Variants in UXS1 observed in about 807,000 individuals in gnomAD.
The protein encoded by UXS1 is UDP-glucuronate decarboxylase 1, also known as UDP-glucuronic acid decarboxylase 1.
In UXS1, 33 loss-of-function variants were observed where a neutral mutation model predicts 62.6. The ratio of observed to expected loss-of-function variants is 0.53; its 90% CI spans 0.40 to 0.70. UXS1 has a LOEUF of 0.70. UXS1 is among the 30% of genes least tolerant of loss of function. The pLI is 0.00. For missense variants in UXS1, 434 were observed against 556.3 expected (o/e 0.78, Z 2.21); for synonymous variants, 213 against 206.8 (o/e 1.03, Z -0.26).
chr2:106,122,576 TAA>T (rs1679608978), intron 9 of UXS1, among the ~76,000 whole-genome samples: 1 of 152,108 alleles, frequency 6.6e-6, no homozygotes, highest in South Asian at 2.1e-4. Flanking sequence ...TCAATAACAA[TAA>T]AGAGGTTCAA....
chr2:106,194,017 C>A lies in UXS1; in HGVS notation c.94+131G>T, dbSNP rs572886687. 2.4e-4 allele frequency: 137 copies of A among 573,260 alleles called. No homozygotes were observed. The African/African-American group carries it at 2.4e-3, about 10-fold the overall frequency. The allele number at this position is 573,260 out of a possible 1,614,324, so 35.5% of individuals were successfully genotyped here. A position where few individuals can be genotyped will look rare whatever the true frequency, so the allele number is the denominator to read the frequency against. On this transcript the variant is annotated intron_variant, in intron 1 of 14. Transcript: ENST00000283148. ...GGAAAGGGGTGGGAGCAGAAAGCGC[C>A]GGCCCCGCCCGGGGCGGGGAGCAAC...
At chr2:106,108,987 C>T (rs1443174632) in intron 10 of UXS1, among the ~76,000 whole-genome samples, 2 of 152,146 alleles carry the variant, frequency 1.3e-5, no homozygotes, top group African/African-American at 2.4e-5. Context: ...TCCTCACCCC[C>T]CATATCCCCT....
chr2:106,140,498 T>A (rs1681013028), intron 6 of UXS1, among the ~76,000 whole-genome samples: 1 of 152,214 alleles, frequency 6.6e-6, no homozygotes, highest in Admixed American at 6.5e-5. Flanking sequence ...AAACACTGTT[T>A]CCACCCCTCC....
chr2:106,160,237 A>G (rs1410677454), intron 4 of UXS1: 1 of 152,174 alleles, frequency 6.6e-6, no homozygotes, highest in Non-Finnish European at 1.5e-5. Flanking sequence ...TGCACCTCTC[A>G]CACCGCTCCA....
intron 1 of UXS1, among the ~76,000 whole-genome samples, chr2:106,170,707 T>C (rs566579676): frequency 2.0e-5 from 3 of 152,356 alleles, no homozygotes; most frequent in Admixed American, 6.5e-5. Context: ...CCCACGTTGC[T>C]GCACAGATTC....
chr2:106,183,603 C>G (rs1684380578), intron 1 of UXS1: 1 of 152,206 alleles, frequency 6.6e-6, no homozygotes, highest in South Asian at 2.1e-4. Context: ...CTCAGCCCCC[C>G]TCAGAGGAGA....
chr2:106,123,116 G>A, intron 8 of UXS1, 25 bp from the exon 9 acceptor site: 1 of 1,612,708 alleles, frequency 6.2e-7, no homozygotes, highest in South Asian at 1.1e-5. Context: ...AAGTGAGACT[G>A]TTTTCATCTT....
At chr2:106,118,767 G>A (rs1417680033) in intron 9 of UXS1, among the ~76,000 whole-genome samples, 1 of 152,132 alleles carries the variant, frequency 6.6e-6, no homozygotes, top group Non-Finnish European at 1.5e-5. Flanking sequence ...CTTAGGAAAA[G>A]AGAAATTTTT....
chr2:106,108,802 G>A (rs992471578), intron 10 of UXS1, among the ~76,000 whole-genome samples: 4 of 152,196 alleles, frequency 2.6e-5, no homozygotes, highest in Non-Finnish European at 5.9e-5. Context: ...TGCTTTATGT[G>A]TTTAAGATGT....
At chr2:106,094,288 A>C in intron 14 of UXS1, 131 bp from the exon 15 acceptor site, 1 of 699,444 alleles carries the variant, frequency 1.4e-6, no homozygotes, top group Non-Finnish European at 1.9e-6. Context: ...AGGAACACTC[A>C]CAGAACCATG....
chr2:106,173,227 C>T (rs1683672269), intron 1 of UXS1, among the ~76,000 whole-genome samples: 1 of 152,148 alleles, frequency 6.6e-6, no homozygotes, highest in East Asian at 1.9e-4. Flanking sequence ...GACTAAAAAG[C>T]TCCCCCAAAT....
intron 1 of UXS1, among the ~76,000 whole-genome samples, chr2:106,188,827 G>A (rs940010874): frequency 1.3e-5 from 2 of 152,170 alleles, no homozygotes; most frequent in Non-Finnish European, 2.9e-5. Flanking sequence ...GCAGCCTAGA[G>A]GAAAGAGATC....
At position 106,194,155 on chromosome 2, in the gene UXS1, G is replaced by A. The variant is rs1685121251; in HGVS notation, c.87C>T (p.Tyr29=). ...KLLLGIALLA[Y]VASVWGNFVN... ...CAGCGGGCGCGCACTCACAGGCGAC[G>A]TAGGCCAGCAAGGCGATGCCCAGCA... Residue 29 remains tyrosine, a synonymous_variant, in exon 1 of 15, where the codon TAC becomes TAT. Coordinates refer to ENST00000283148, the MANE Select transcript of UXS1 (RefSeq NM_001253875.2). 2 of 1,482,398 alleles carry A rather than the reference G, an allele frequency of 1.3e-6. No individual in the cohort carries two copies. The highest frequency in any genetic ancestry group is 1.8e-6 in the Non-Finnish European group (2 of 1,114,962). The allele number at this position is 1,482,398 out of a possible 1,614,324, so 91.8% of individuals were successfully genotyped here.
At chr2:106,096,640 G>T (rs1329794238) in intron 14 of UXS1, 78 bp downstream of exon 14, 2 of 1,345,032 alleles carry the variant, frequency 1.5e-6, no homozygotes, top group Non-Finnish European at 2.0e-6. Flanking sequence ...GTCTGACAAG[G>T]GTCAGTGCCT....
At chr2:106,191,967 C>T (rs1002165139) in intron 1 of UXS1, among the ~76,000 whole-genome samples, 5 of 152,338 alleles carry the variant, frequency 3.3e-5, no homozygotes, top group African/African-American at 1.2e-4. Context: ...CAGGTCACAG[C>T]AACAGCATAC....
At chr2:106,181,713 CT>C (rs1297408772) in intron 1 of UXS1, among the ~76,000 whole-genome samples, 1 of 151,986 alleles carries the variant, frequency 6.6e-6, no homozygotes, top group Non-Finnish European at 1.5e-5. Context: ...GAGACTCCAT[CT>C]CAAAAAAAAT....
At chr2:106,168,762 C>T (rs1043658566) in intron 1 of UXS1, among the ~76,000 whole-genome samples, 16 of 152,068 alleles carry the variant, frequency 1.1e-4, no homozygotes, top group African/African-American at 3.9e-4. Flanking sequence ...GTCATACAGC[C>T]ATTTGATGAA....
chr2:106,140,764 T>C (rs1385829624), intron 6 of UXS1, among the ~76,000 whole-genome samples: 1 of 152,250 alleles, frequency 6.6e-6, no homozygotes, highest in Non-Finnish European at 1.5e-5. Flanking sequence ...GTGTTAGCTA[T>C]GGTCACTTTC....
At chr2:106,115,029 AT>A (rs1252946910) in intron 9 of UXS1, among the ~76,000 whole-genome samples, 2 of 152,112 alleles carry the variant, frequency 1.3e-5, no homozygotes, top group African/African-American at 4.8e-5. Context: ...CCCAGTCAAT[AT>A]GTATAGTCCA....
Sources: allele counts gnomAD v4.1 joint callset (sites outside exome capture counted in the v4.1 genomes callset), GRCh38; gene constraint gnomAD v4.1.1; transcripts MANE v1.5; gene names NCBI Gene and HGNC (gene_info 2026-07-23, HGNC 2026-07-21).